Variants in CDH12 observed in about 807,000 individuals in gnomAD.
CDH12 encodes cadherin 12, also known as cadherin-12.
CDH12 carries 41 observed loss-of-function variants against 74.1 expected under a neutral mutation model. The observed-to-expected ratio is 0.55, with a 90% CI of 0.43 to 0.72. The LOEUF is 0.72. Among genes scored for constraint, CDH12 ranks in the 30% least tolerant of loss-of-function variants. CDH12 has a pLI of 0.00. For missense variants in CDH12, 945 were observed against 977.2 expected (o/e 0.97, Z 0.44); for synonymous variants, 399 against 355.0 (o/e 1.12, Z -1.39).
At chr5:22,407,219 C>T (rs2126463103) in intron 2 of CDH12, among the ~76,000 whole-genome samples, 2 of 152,188 alleles carry the variant, frequency 1.3e-5, no homozygotes, top group East Asian at 3.9e-4. Flanking sequence ...ATTATTCACC[C>T]TGTCTCTCAC....
chr5:22,376,362 C>CA (rs138398408), intron 3 of CDH12, among the ~76,000 whole-genome samples: 51 of 149,562 alleles, frequency 3.4e-4, no homozygotes, highest in East Asian at 1.4e-3. Flanking sequence ...CACTTAAATA[C>CA]AAAAAAAAAG....
intron 3 of CDH12, among the ~76,000 whole-genome samples, chr5:22,215,071 T>C (rs573755959): frequency 6.6e-6 from 1 of 152,212 alleles, no homozygotes; most frequent in Non-Finnish European, 1.5e-5. Context: ...GTGACTGGCA[T>C]GCACTTCAGC....
chr5:22,841,336 G>A (rs569673493), intron 1 of CDH12, among the ~76,000 whole-genome samples: 1 of 152,284 alleles, frequency 6.6e-6, no homozygotes, highest in Non-Finnish European at 1.5e-5. Context: ...TTCACCTTGA[G>A]TAATTGGAAG....
intron 1 of CDH12, among the ~76,000 whole-genome samples, chr5:22,633,472 G>A (rs1738683313): frequency 6.6e-6 from 1 of 152,128 alleles, no homozygotes; most frequent in Non-Finnish European, 1.5e-5. Flanking sequence ...ATTCTCAGCT[G>A]GTTAAACATT....
chr5:22,019,821 C>T (rs777043900), intron 5 of CDH12, among the ~76,000 whole-genome samples: 11 of 152,108 alleles, frequency 7.2e-5, no homozygotes, highest in Non-Finnish European at 1.5e-4. Context: ...TTAATGATGC[C>T]TTGAGCTCAC....
At chr5:21,920,688 A>AATAATAATAATAATAATAATC (rs567836094) in intron 6 of CDH12, among the ~76,000 whole-genome samples, 3 of 150,004 alleles carry the variant, frequency 2.0e-5, no homozygotes, top group Non-Finnish European at 4.4e-5. Flanking sequence ...TAATAATAAT[A>AATAATAATAATAATAATAATC]ATCTTCAAAG....
intron 6 of CDH12, among the ~76,000 whole-genome samples, chr5:21,888,735 T>C (rs1339494182): frequency 1.3e-5 from 2 of 152,116 alleles, no homozygotes; most frequent in Non-Finnish European, 2.9e-5. Context: ...TTATACTATT[T>C]ATACTATATT....
At position 22,708,403 on chromosome 5, in the gene CDH12, A is replaced by G. The variant is rs571150604; in HGVS notation, c.-523+144655T>C. ...CTAAAGTCTTTGCAGTTGTGCTGAG[A>G]AATTCTAGTAGGGATTTGATAAAGA... On this transcript the variant is annotated intron_variant, in intron 1 of 14. Coordinates refer to ENST00000382254, the MANE Select transcript of CDH12 (RefSeq NM_004061.5). 3.9e-5 allele frequency among the ~76,000 whole-genome samples: 6 copies of G among 152,314 alleles called. No individual in the cohort carries two copies. The South Asian group carries it at 6.2e-4, about 16-fold the overall frequency.
rs36214247 is a variant in CDH12, at chr5:22,072,530, T to TTGTGTGTG, written c.231+5908_231+5915dup. On this transcript the variant is annotated intron_variant, in intron 5 of 14. Coordinates refer to ENST00000382254, the MANE Select transcript of CDH12 (RefSeq NM_004061.5). Reference sequence around the variant, plus strand: ...CAACAGTGTTTCTATTATAGCACTTTTGTGTGTGTGTGTGTGTGTGTGTGT... The same window carrying TTGTGTGTG: ...CAACAGTGTTTCTATTATAGCACTTTTGTGTGTGTGTGTGTGTGTGTGTGTGTGTGTGT... Among the ~76,000 whole-genome samples the TTGTGTGTG allele has an allele frequency of 3.8e-4, 56 of 146,348 alleles. 1 individual carries two copies. Among genetic ancestry groups the TTGTGTGTG allele is most frequent in the Middle Eastern group, 7.1e-3 (2 of 282 alleles).
chr5:22,751,251 G>T (rs894202417), intron 1 of CDH12, among the ~76,000 whole-genome samples: 1 of 150,152 alleles, frequency 6.7e-6, no homozygotes, highest in African/African-American at 2.4e-5. Context: ...ATCTGAAAAA[G>T]CACAGTGGTC....
intron 1 of CDH12, among the ~76,000 whole-genome samples, chr5:22,752,923 C>T (rs910652740): frequency 6.6e-6 from 1 of 151,692 alleles, no homozygotes; most frequent in African/African-American, 2.4e-5. Flanking sequence ...ACAGATAAGG[C>T]AAGTAATAAA....
rs539202283 is a variant in CDH12 at position 21,751,417 on chromosome 5, G to A, written c.*320C>T. ...TGCCACATAGCTATCTTCGTTCTAGGTTGTCATGTCAGTAAATTGTATTGA... is the reference window on the plus strand; with the variant it reads ...TGCCACATAGCTATCTTCGTTCTAGATTGTCATGTCAGTAAATTGTATTGA... On this transcript the variant is annotated 3_prime_UTR_variant, in exon 15 of 15. Transcript: ENST00000382254. 4 of 246,846 alleles carry A rather than the reference G, an allele frequency of 1.6e-5. No individual in the cohort carries two copies. The highest frequency in any genetic ancestry group is 3.2e-5 in the Non-Finnish European group (4 of 125,666). The allele number at this position is 246,846 out of a possible 1,614,324, so 15.3% of individuals were successfully genotyped here. A position where few individuals can be genotyped will look rare whatever the true frequency, so the allele number is the denominator to read the frequency against.
chr5:21,804,012 T>G (rs1248860570), intron 9 of CDH12, among the ~76,000 whole-genome samples: 1 of 152,206 alleles, frequency 6.6e-6, no homozygotes, highest in Non-Finnish European at 1.5e-5. Context: ...TACTTTTTTA[T>G]GCAGCAGGAA....
chr5:22,136,511 A>G (rs1746468579), intron 4 of CDH12, among the ~76,000 whole-genome samples: 1 of 151,726 alleles, frequency 6.6e-6, no homozygotes, highest in African/African-American at 2.4e-5. Context: ...AACCTTTTGG[A>G]GACCTATATT....
At chr5:22,406,560 C>T (rs1414014192) in intron 2 of CDH12, among the ~76,000 whole-genome samples, 1 of 152,072 alleles carries the variant, frequency 6.6e-6, no homozygotes, top group African/African-American at 2.4e-5. Context: ...ATATATTATT[C>T]TTTCCACCAG....
At chr5:22,029,144 A>G (rs1486547483) in intron 5 of CDH12, among the ~76,000 whole-genome samples, 1 of 152,212 alleles carries the variant, frequency 6.6e-6, no homozygotes, top group Non-Finnish European at 1.5e-5. Context: ...TGTTATACCT[A>G]AAACCATAAA....
chr5:22,016,583 AC>A (rs1737621208), intron 5 of CDH12, among the ~76,000 whole-genome samples: 1 of 151,968 alleles, frequency 6.6e-6, no homozygotes, highest in Non-Finnish European at 1.5e-5. Context: ...ATGGGGTTTC[AC>A]CATGTTGGCC....
At chr5:22,259,365 GA>G (rs1176056058) in intron 3 of CDH12, among the ~76,000 whole-genome samples, 2 of 151,972 alleles carry the variant, frequency 1.3e-5, no homozygotes, top group Admixed American at 6.6e-5. Flanking sequence ...GTAGGTTCTA[GA>G]ATTTGTATGC....
At chr5:22,411,503 C>T (rs1399734514) in intron 2 of CDH12, among the ~76,000 whole-genome samples, 1 of 151,848 alleles carries the variant, frequency 6.6e-6, no homozygotes. Flanking sequence ...ATAAATAAAC[C>T]TTCATAAAGA....
Sources: gnomAD v4.1 joint callset for allele counts (sites outside exome capture counted in the v4.1 genomes callset) on GRCh38, gnomAD v4.1.1 for gene constraint, MANE v1.5 for transcripts, NCBI Gene and HGNC (gene_info 2026-07-23, HGNC 2026-07-21) for gene names.